Variants in RFX3 observed in about 807,000 individuals in gnomAD.
The protein encoded by RFX3 is regulatory factor X3.
In RFX3, 14 loss-of-function variants were observed where a neutral mutation model predicts 98.6. The observed-to-expected ratio is 0.14, with a 90% CI of 0.09 to 0.22. The LOEUF is 0.22. RFX3 is among the 10% of genes least tolerant of loss of function. The pLI, the probability that RFX3 is intolerant of heterozygous loss-of-function variation, is 1.00. For missense variants in RFX3, 639 were observed against 926.9 expected (o/e 0.69, Z 4.03); for synonymous variants, 383 against 328.4 (o/e 1.17, Z -1.80).
chr9:3,511,060 C>CA (rs1337242343), intron 1 of RFX3, among the ~76,000 whole-genome samples: 3 of 151,914 alleles, frequency 2.0e-5, no homozygotes, highest in Admixed American at 6.6e-5. Context: ...AAGACCGCCA[C>CA]AAAATATATT....
intron 4 of RFX3, among the ~76,000 whole-genome samples, chr9:3,324,334 ATAAT>A (rs1371357681): frequency 3.9e-5 from 6 of 152,180 alleles, no homozygotes. Flanking sequence ...TTCATATATG[ATAAT>A]TAAACAGAAG....
intron 2 of RFX3, among the ~76,000 whole-genome samples, chr9:3,389,804 C>T (rs1227830369): frequency 6.6e-6 from 1 of 151,980 alleles, no homozygotes; most frequent in Non-Finnish European, 1.5e-5. Context: ...TATGTATATG[C>T]AAATATACCA....
At chr9:3,267,567 G>A (rs558960098) in intron 11 of RFX3, among the ~76,000 whole-genome samples, 1 of 151,948 alleles carries the variant, frequency 6.6e-6, no homozygotes, top group African/African-American at 2.4e-5. Flanking sequence ...TTCAAAACTG[G>A]AGAGACGAGA....
At chr9:3,343,526 T>G (rs770438089) in intron 3 of RFX3, among the ~76,000 whole-genome samples, 1 of 152,076 alleles carries the variant, frequency 6.6e-6, no homozygotes, top group Non-Finnish European at 1.5e-5. Flanking sequence ...AAAATTATAA[T>G]AGTCAAATGT....
intron 2 of RFX3, among the ~76,000 whole-genome samples, chr9:3,363,633 C>T (rs1836720966): frequency 6.6e-6 from 1 of 152,066 alleles, no homozygotes; most frequent in Non-Finnish European, 1.5e-5. Flanking sequence ...TTGATCTTTG[C>T]AAAAATCCTA....
chr9:3,283,957 G>C lies in RFX3; in HGVS notation c.851+4174C>G, dbSNP rs545577365. On this transcript the variant is annotated intron_variant, in intron 7 of 16. Transcript: ENST00000617270. ...CTGGTTGCTATATGACTGTGGATAA[G>C]TTATTTAACCTTTATGGACTTCGGT... 2.0e-5 allele frequency among the ~76,000 whole-genome samples: 3 copies of C among 151,890 alleles called. No individual in the cohort carries two copies. The South Asian group carries it at 6.2e-4, about 32-fold the overall frequency.
chr9:3,301,635 C>A lies in RFX3; in HGVS notation c.475-15G>T, dbSNP rs1182290468. On this transcript the variant is annotated splice_polypyrimidine_tract_variant and intron_variant, in intron 4 of 16. Transcript: ENST00000617270. ...GCCATTTCAATCTGATAATAGATGT[C>A]ATTAAAAAAAGGGCTCAAGACAAGA... 1.9e-6 allele frequency: 3 copies of A among 1,575,688 alleles called. No homozygotes were observed. Among genetic ancestry groups the A allele is most frequent in the South Asian group, 1.1e-5 (1 of 87,846 alleles).
intron 1 of RFX3, among the ~76,000 whole-genome samples, chr9:3,461,588 A>C (rs1041966905): frequency 6.6e-6 from 1 of 152,114 alleles, no homozygotes; most frequent in African/African-American, 2.4e-5. Context: ...GAATTTTTTT[A>C]ATTTAATGTA....
chr9:3,477,645 T>C (rs892874055), intron 1 of RFX3, among the ~76,000 whole-genome samples: 4 of 152,194 alleles, frequency 2.6e-5, no homozygotes, highest in Admixed American at 2.0e-4. Flanking sequence ...TTTGGGCTTA[T>C]TCAACTTGGA....
chr9:3,504,944 A>ATAAT (rs1564185928), intron 1 of RFX3, among the ~76,000 whole-genome samples: 36 of 59,300 alleles, frequency 6.1e-4, no homozygotes, highest in African/African-American at 3.2e-3. Context: ...TAATATATAT[A>ATAAT]ATATAATATA....
At chr9:3,231,167 C>T (rs986369707) in intron 15 of RFX3, among the ~76,000 whole-genome samples, 1 of 152,122 alleles carries the variant, frequency 6.6e-6, no homozygotes, top group Non-Finnish European at 1.5e-5. Context: ...CTGTCAATAC[C>T]TCTAGGTGTC....
chr9:3,239,546 C>T (rs1819634132), intron 15 of RFX3, among the ~76,000 whole-genome samples: 1 of 152,192 alleles, frequency 6.6e-6, no homozygotes, highest in Non-Finnish European at 1.5e-5. Flanking sequence ...GGGGACATAG[C>T]AACAGGTGTA....
intron 2 of RFX3, among the ~76,000 whole-genome samples, chr9:3,388,658 T>C (rs1386721860): frequency 4.0e-5 from 6 of 151,646 alleles, no homozygotes; most frequent in Non-Finnish European, 7.4e-5. Flanking sequence ...TACAAAGGGG[T>C]TTCAAATATC....
At chr9:3,329,623 C>G (rs911324142) in intron 4 of RFX3, among the ~76,000 whole-genome samples, 2 of 151,994 alleles carry the variant, frequency 1.3e-5, no homozygotes, top group Admixed American at 6.6e-5. Flanking sequence ...ACATATGGCA[C>G]ATGGGTAAAC....
At chr9:3,304,634 G>C (rs547459022) in intron 4 of RFX3, among the ~76,000 whole-genome samples, 1 of 151,936 alleles carries the variant, frequency 6.6e-6, no homozygotes, top group Non-Finnish European at 1.5e-5. Context: ...TAAGTCTCAC[G>C]AGATCTGATG....
chr9:3,333,441 T>G (rs115662845), intron 3 of RFX3, among the ~76,000 whole-genome samples: 2,785 of 151,734 alleles, frequency 0.018, 92 homozygotes, highest in African/African-American at 0.064. Context: ...AAATGTTTTT[T>G]TTTTTTTTTT....
At chr9:3,254,052 G>T (rs571741267) in intron 14 of RFX3, among the ~76,000 whole-genome samples, 1 of 151,992 alleles carries the variant, frequency 6.6e-6, no homozygotes, top group Non-Finnish European at 1.5e-5. Flanking sequence ...TTTTTGAAAC[G>T]AAAATAATAA....
In RFX3 at chr9:3,318,072, C is replaced by T. The variant is rs75326836; in HGVS notation, c.474+12187G>A. 4.1e-4 allele frequency among the ~76,000 whole-genome samples: 63 copies of T among 152,284 alleles called. No individual in the cohort carries two copies. In the South Asian group the frequency reaches 0.012, roughly 29 times the overall value. On this transcript the variant is annotated intron_variant, in intron 4 of 16. Transcript: ENST00000617270. ...ATGCTGCTATAAAGACACATGCACA[C>T]GTATGTTTACTGCAGCACTATTCAC...
At chr9:3,260,221 G>A (rs112478058) in intron 13 of RFX3, among the ~76,000 whole-genome samples, 69 of 152,082 alleles carry the variant, frequency 4.5e-4, no homozygotes, top group African/African-American at 1.5e-3. Flanking sequence ...GGCAGATGCC[G>A]AATCATATGG....
Sources: gnomAD v4.1 joint callset for allele counts (sites outside exome capture counted in the v4.1 genomes callset) on GRCh38, gnomAD v4.1.1 for gene constraint, MANE v1.5 for transcripts, NCBI Gene and HGNC (gene_info 2026-07-23, HGNC 2026-07-21) for gene names.